PLCE1: variants seen among roughly 807,000 people sequenced by gnomAD.
PLCE1 encodes phospholipase C epsilon 1.
A neutral mutation model predicts 242.8 loss-of-function variants in PLCE1; 119 were observed. The observed-to-expected ratio is 0.49, with a 90% CI of 0.42 to 0.57. PLCE1 has a LOEUF of 0.57. Ranked by LOEUF, PLCE1 falls within the 20% of genes least tolerant of loss-of-function variation. The pLI, the probability that PLCE1 is intolerant of heterozygous loss-of-function variation, is 0.00. For synonymous variants in PLCE1, 945 were observed against 1,017.4 expected (o/e 0.93, Z 1.35); for missense variants, 2,441 against 2,788.8 (o/e 0.88, Z 2.81).
intron 30 of PLCE1, 114 bp downstream of exon 30, chr10:94,322,173 T>C (rs1002616569): frequency 1.9e-5 from 19 of 979,438 alleles, no homozygotes; most frequent in Non-Finnish European, 2.7e-5. Flanking sequence ...AACAGGGACC[T>C]CAAAGGGGAG....
intron 2 of PLCE1, among the ~76,000 whole-genome samples, chr10:94,079,975 A>C (rs922850923): frequency 6.6e-6 from 1 of 152,188 alleles, no homozygotes; most frequent in Non-Finnish European, 1.5e-5. Context: ...AGCTGATTTT[A>C]CTATTGTGAT....
chr10:93,997,347 T>C (rs2060844626), intron 1 of PLCE1, among the ~76,000 whole-genome samples: 1 of 152,238 alleles, frequency 6.6e-6, no homozygotes, highest in African/African-American at 2.4e-5. Context: ...TTATGTAAGA[T>C]ATGGCATATG....
At chr10:94,222,011 C>T (rs934940575) in intron 4 of PLCE1, among the ~76,000 whole-genome samples, 1 of 152,102 alleles carries the variant, frequency 6.6e-6, no homozygotes, top group South Asian at 2.1e-4. Flanking sequence ...GCTGAGAATC[C>T]TCCCTGCCCA....
intron 24 of PLCE1, among the ~76,000 whole-genome samples, chr10:94,301,371 T>C (rs1242724505): frequency 6.6e-6 from 1 of 151,768 alleles, no homozygotes; most frequent in African/African-American, 2.4e-5. Flanking sequence ...GAAAATTATA[T>C]ATATAGATAG....
intron 3 of PLCE1, chr10:94,138,228 C>T: frequency 3.0e-6 from 1 of 329,962 alleles, no homozygotes. Flanking sequence ...AGAGAATCAC[C>T]AGGGGGTGCT....
intron 3 of PLCE1, among the ~76,000 whole-genome samples, chr10:94,142,101 T>G (rs2046990557): frequency 6.6e-6 from 1 of 152,170 alleles, no homozygotes; most frequent in South Asian, 2.1e-4. Context: ...ATTTGAGCCT[T>G]GACTTCAACA....
chr10:94,256,150 C>G (rs1251571707), intron 11 of PLCE1, among the ~76,000 whole-genome samples: 1 of 151,164 alleles, frequency 6.6e-6, no homozygotes, highest in African/African-American at 2.4e-5. Context: ...AACAGAAACC[C>G]CATCTCTACA....
intron 3 of PLCE1, among the ~76,000 whole-genome samples, chr10:94,160,712 G>A (rs1471420156): frequency 6.6e-6 from 1 of 152,212 alleles, no homozygotes; most frequent in Non-Finnish European, 1.5e-5. Flanking sequence ...TGTCCTGAAT[G>A]GTATTGCCTA....
chr10:94,310,871 C>T (rs1315255760), intron 27 of PLCE1, among the ~76,000 whole-genome samples: 1 of 152,168 alleles, frequency 6.6e-6, no homozygotes. Context: ...CTCAGTCCCA[C>T]AAGACTACTC....
At chr10:94,199,654 G>A (rs1472416080) in intron 4 of PLCE1, among the ~76,000 whole-genome samples, 1 of 152,218 alleles carries the variant, frequency 6.6e-6, no homozygotes, top group East Asian at 1.9e-4. Context: ...TAGATGCATT[G>A]TGGAGTTTGT....
At chr10:94,291,049 C>T (rs1258802959) in intron 22 of PLCE1, among the ~76,000 whole-genome samples, 4 of 152,274 alleles carry the variant, frequency 2.6e-5, no homozygotes, top group South Asian at 4.1e-4. Context: ...GACTGTACAT[C>T]GCTTGTCTAG....
At chr10:94,019,144 A>G (rs2061331047) in intron 1 of PLCE1, among the ~76,000 whole-genome samples, 1 of 152,212 alleles carries the variant, frequency 6.6e-6, no homozygotes, top group African/African-American at 2.4e-5. Flanking sequence ...TAAGCCTAGC[A>G]AGGTTGAGTT....
chr10:94,014,464 G>A (rs547160310), intron 1 of PLCE1, among the ~76,000 whole-genome samples: 7 of 151,814 alleles, frequency 4.6e-5, no homozygotes, highest in South Asian at 2.1e-4. Context: ...AATTAGCTGG[G>A]TGTGGTGGTG....
chr10:94,008,224 T>C (rs2061086711), intron 1 of PLCE1, among the ~76,000 whole-genome samples: 1 of 99,412 alleles, frequency 1.0e-5, no homozygotes, highest in Non-Finnish European at 1.9e-5. Context: ...AGTAACAATA[T>C]GCTCTGAAAA....
intron 27 of PLCE1, among the ~76,000 whole-genome samples, chr10:94,309,782 C>G (rs2053327910): frequency 6.6e-6 from 1 of 152,162 alleles, no homozygotes; most frequent in Non-Finnish European, 1.5e-5. Flanking sequence ...TGCCTCTAAT[C>G]CCAACACTTT....
chr10:94,262,421 C>A (rs748253192), intron 13 of PLCE1, 73 bp from the exon 14 acceptor site: 1 of 965,762 alleles, frequency 1.0e-6, no homozygotes. Context: ...TAACTCCACA[C>A]CATTATCTCC....
chr10:94,198,094 C>A (rs1052391969), intron 4 of PLCE1, among the ~76,000 whole-genome samples: 9 of 146,404 alleles, frequency 6.1e-5, no homozygotes, highest in African/African-American at 2.2e-4. Context: ...AAGATATAAT[C>A]TCATTCTTTA....
At chr10:94,102,330 C>T (rs567858854) in intron 2 of PLCE1, among the ~76,000 whole-genome samples, 4 of 152,274 alleles carry the variant, frequency 2.6e-5, no homozygotes, top group South Asian at 4.1e-4. Flanking sequence ...TTCTCTTTCA[C>T]GAGAGAGACA....
At chr10:94,140,113 C>G (rs1201015194) in intron 3 of PLCE1, among the ~76,000 whole-genome samples, 1 of 151,698 alleles carries the variant, frequency 6.6e-6, no homozygotes, top group African/African-American at 2.4e-5. Context: ...CATTTTTAAC[C>G]AGTCTGAGTG....
Sources: gnomAD v4.1 joint callset for allele counts (sites outside exome capture counted in the v4.1 genomes callset) on GRCh38, gnomAD v4.1.1 for gene constraint, MANE v1.5 for transcripts, NCBI Gene and HGNC (gene_info 2026-07-23, HGNC 2026-07-21) for gene names.